Variants in PLXDC2 observed in about 807,000 individuals in gnomAD.
PLXDC2 encodes plexin domain containing 2.
In PLXDC2, 40 loss-of-function variants were observed where a neutral mutation model predicts 68.9. The ratio of observed to expected loss-of-function variants is 0.58; its 90% CI spans 0.45 to 0.76. PLXDC2 has a LOEUF of 0.76. PLXDC2 is among the 30% of genes least tolerant of loss of function. PLXDC2 has a pLI of 0.00. For synonymous variants in PLXDC2, 243 were observed against 234.2 expected (o/e 1.04, Z -0.34); for missense variants, 644 against 661.9 (o/e 0.97, Z 0.30).
At chr10:20,031,251 T>C (rs2131667469) in intron 2 of PLXDC2, among the ~76,000 whole-genome samples, 1 of 151,926 alleles carries the variant, frequency 6.6e-6, no homozygotes, top group Non-Finnish European at 1.5e-5. Flanking sequence ...GTGCCTGTAG[T>C]CCCAGCTACT....
intron 1 of PLXDC2, among the ~76,000 whole-genome samples, chr10:19,874,259 A>C (rs573785715): frequency 5.3e-5 from 8 of 152,220 alleles, no homozygotes; most frequent in Non-Finnish European, 7.3e-5. Flanking sequence ...AGACCTGCAG[A>C]GCATTTGAGA....
chr10:20,109,661 A>G (rs1833533469), intron 4 of PLXDC2, among the ~76,000 whole-genome samples: 1 of 152,224 alleles, frequency 6.6e-6, no homozygotes, highest in South Asian at 2.1e-4. Flanking sequence ...CATAGAAGAT[A>G]ATTATAAGGC....
chr10:20,279,627 A>C, intron 13 of PLXDC2, 76 bp from the exon 14 acceptor site: 1 of 1,071,926 alleles, frequency 9.3e-7, no homozygotes, highest in Non-Finnish European at 1.4e-6. Context: ...AATCTAAAAT[A>C]GCTAGCAAAT....
intron 13 of PLXDC2, among the ~76,000 whole-genome samples, chr10:20,264,698 A>G (rs1246088339): frequency 6.6e-6 from 1 of 152,128 alleles, no homozygotes; most frequent in Non-Finnish European, 1.5e-5. Flanking sequence ...ATTACAAGAA[A>G]TAAAAGGTTT....
In PLXDC2 at chr10:20,185,362, C is replaced by G. The variant is rs77743534; in HGVS notation, c.1061+7953C>G. Reference sequence around the variant, plus strand: ...CAAGGGAATTCCTAGCATATTTTGACTTTATCTGAGTTTTGCCTACTTGTT... The same window carrying G: ...CAAGGGAATTCCTAGCATATTTTGAGTTTATCTGAGTTTTGCCTACTTGTT... On this transcript the variant is annotated intron_variant, in intron 9 of 13. Coordinates refer to ENST00000377252, the MANE Select transcript of PLXDC2 (RefSeq NM_032812.9). Among the ~76,000 whole-genome samples the G allele has an allele frequency of 7.9e-3, 1,193 of 151,922 alleles. 17 individuals are homozygous for G. Among genetic ancestry groups the G allele is most frequent in the African/African-American group, 0.028 (1,147 of 41,470 alleles).
Position 20,217,509 on chromosome 10 carries a change from G to T in PLXDC2, c.1206G>T (p.Gln402His). Residue 402 changes from glutamine to histidine, a missense_variant, in exon 11 of 14, where the codon CAG (glutamine) becomes CAT (histidine). By Grantham distance (24) the Gln-to-His change is conservative. Around this residue, in one of 3 missense-constraint regions of PLXDC2, gnomAD observed 330 missense variants for 327.9 expected, o/e 1.01. Transcript: ENST00000377252. ...CAACCGTAGGAGCGACAACCACCCA[G>T]TTCAGGGTCCTAACTACCACCAGAA... ...TTTTVGATTTQFRVLTTTRRA... is the reference protein window; with the variant it reads ...TTTTVGATTTHFRVLTTTRRA... 6.2e-7 allele frequency: 1 copy of T among 1,606,084 alleles called. No homozygotes were observed. The highest frequency in any genetic ancestry group is 1.1e-5 in the South Asian group (1 of 90,756).
intron 4 of PLXDC2, among the ~76,000 whole-genome samples, chr10:20,086,915 C>T (rs990783349): frequency 6.6e-6 from 1 of 152,104 alleles, no homozygotes; most frequent in South Asian, 2.1e-4. Context: ...AAGATTAAAG[C>T]CTACCATATA....
At chr10:19,825,000 T>C (rs1241309993) in intron 1 of PLXDC2, among the ~76,000 whole-genome samples, 1 of 152,122 alleles carries the variant, frequency 6.6e-6, no homozygotes, top group Non-Finnish European at 1.5e-5. Flanking sequence ...TTAAATCTCT[T>C]CTGTCAGAGG....
chr10:20,056,304 A>G (rs1192774642), intron 3 of PLXDC2, among the ~76,000 whole-genome samples: 4 of 152,114 alleles, frequency 2.6e-5, no homozygotes, highest in South Asian at 2.1e-4. Flanking sequence ...ACTCTTTTTC[A>G]TTGCACAAAA....
chr10:20,078,875 G>A (rs959593277), intron 4 of PLXDC2, among the ~76,000 whole-genome samples: 1 of 151,754 alleles, frequency 6.6e-6, no homozygotes, highest in African/African-American at 2.4e-5. Context: ...TTTTCCACAA[G>A]GTTTGAAATA....
chr10:20,097,234 AG>A (rs1194840258), intron 4 of PLXDC2, among the ~76,000 whole-genome samples: 1 of 152,150 alleles, frequency 6.6e-6, no homozygotes, highest in Non-Finnish European at 1.5e-5. Flanking sequence ...GGAGACACTG[AG>A]TGTGCTTACG....
chr10:20,231,270 T>C (rs1835360608), intron 12 of PLXDC2, among the ~76,000 whole-genome samples: 1 of 149,836 alleles, frequency 6.7e-6, no homozygotes, highest in Non-Finnish European at 1.5e-5. Context: ...TTGACAAATA[T>C]ATACAAATAT....
At chr10:20,162,434 C>A (rs1275643491) in intron 6 of PLXDC2, among the ~76,000 whole-genome samples, 1 of 152,086 alleles carries the variant, frequency 6.6e-6, no homozygotes, top group Admixed American at 6.6e-5. Flanking sequence ...CAGAGGAAAA[C>A]TGAACTCACA....
intron 5 of PLXDC2, among the ~76,000 whole-genome samples, chr10:20,144,499 G>A (rs1228449380): frequency 6.6e-6 from 1 of 152,138 alleles, no homozygotes. Context: ...TAACACCAAG[G>A]TATGATCCAA....
intron 1 of PLXDC2, among the ~76,000 whole-genome samples, chr10:19,998,069 A>C (rs1834871142): frequency 6.6e-6 from 1 of 152,186 alleles, no homozygotes; most frequent in Non-Finnish European, 1.5e-5. Flanking sequence ...GGTTTAATTA[A>C]CATACAGTAG....
chr10:20,046,855 A>T lies in PLXDC2; in HGVS notation c.325-14A>T, dbSNP rs374483021. The T allele has an allele frequency of 3.9e-5, 62 of 1,590,058 alleles. 1 individual carries two copies. In the Middle Eastern group the frequency reaches 8.4e-4, roughly 22 times the overall value. On this transcript the variant is annotated splice_polypyrimidine_tract_variant and intron_variant, in intron 2 of 13. Coordinates refer to ENST00000377252, the MANE Select transcript of PLXDC2 (RefSeq NM_032812.9). ...ATCTCGGTTCTTGATATACATTATT[A>T]TCTATTATTGCAGGAGGATACAGAC...
chr10:19,854,097 G>C (rs1422227111), intron 1 of PLXDC2, among the ~76,000 whole-genome samples: 2 of 152,108 alleles, frequency 1.3e-5, no homozygotes, highest in Non-Finnish European at 2.9e-5. Context: ...AGGAGACAAG[G>C]CTATCACAGC....
chr10:20,257,701 C>A (rs1835759371), intron 13 of PLXDC2, among the ~76,000 whole-genome samples: 1 of 152,100 alleles, frequency 6.6e-6, no homozygotes. Flanking sequence ...TTAAGCAAAT[C>A]GTTTTCAATA....
rs1180868628 is a variant in PLXDC2, at chr10:20,044,199, C to T, written c.325-2670C>T. ...TTTCCTTCTTTCTTTCTTTCTCTCT[C>T]TCTCTCTCTCTGTCTTTCTTTCTTT... is the stretch of plus-strand genomic sequence containing the variant. On this transcript the variant is annotated intron_variant, in intron 2 of 13. Coordinates refer to ENST00000377252, the MANE Select transcript of PLXDC2 (RefSeq NM_032812.9). Among the ~76,000 whole-genome samples the T allele has an allele frequency of 4.9e-4, 65 of 133,140 alleles. 2 individuals carry two copies. Among genetic ancestry groups the T allele is most frequent in the African/African-American group, 1.7e-3 (57 of 32,916 alleles). The allele number at this position is 133,140 out of a possible 152,430, so 87.3% of individuals were successfully genotyped here. A position where few individuals can be genotyped will look rare whatever the true frequency, so the allele number is the denominator to read the frequency against.
Sources: allele counts gnomAD v4.1 joint callset (sites outside exome capture counted in the v4.1 genomes callset), GRCh38; gene constraint gnomAD v4.1.1; regional missense constraint gnomAD v4.1.1; transcripts MANE v1.5; gene names NCBI Gene and HGNC (gene_info 2026-07-23, HGNC 2026-07-21).